GIN1: variants seen among roughly 807,000 people sequenced by gnomAD.
GIN1 encodes gypsy retrotransposon integrase-like protein 1.
A neutral mutation model predicts 51.4 loss-of-function variants in GIN1; 41 were observed. That is an observed-to-expected ratio of 0.80 (90% CI 0.62 to 1.04). GIN1 has a LOEUF of 1.04. Ranked by LOEUF, GIN1 falls within the 50% of genes least tolerant of loss-of-function variation. The probability of loss-of-function intolerance (pLI) is 0.00; values close to 1 mark genes in which losing one functional copy is unlikely to be tolerated. For missense variants in GIN1, 610 were observed against 612.4 expected (o/e 1.00, Z 0.04); for synonymous variants, 222 against 206.5 (o/e 1.07, Z -0.64).
intron 7 of GIN1, among the ~76,000 whole-genome samples, chr5:103,094,916 G>C (rs1583112860): frequency 6.6e-6 from 1 of 152,274 alleles, no homozygotes; most frequent in South Asian, 2.1e-4. Flanking sequence ...TTCAAGATAA[G>C]TTTACTGACT....
chr5:103,113,980 T>A (rs889300945), intron 1 of GIN1, among the ~76,000 whole-genome samples: 2 of 152,212 alleles, frequency 1.3e-5, no homozygotes. Flanking sequence ...AATCTCTCCA[T>A]CTTTTTCTCT....
chr5:103,089,352 G>A (rs908218740), intron 7 of GIN1, among the ~76,000 whole-genome samples: 1 of 152,044 alleles, frequency 6.6e-6, no homozygotes. Flanking sequence ...TAACTTCCTG[G>A]ATCCCTACCT....
At chr5:103,101,566 T>C (rs2151468777) in intron 4 of GIN1, among the ~76,000 whole-genome samples, 1 of 152,306 alleles carries the variant, frequency 6.6e-6, no homozygotes. Flanking sequence ...TTTCTTGTGG[T>C]TGATGATGGG....
intron 1 of GIN1, among the ~76,000 whole-genome samples, chr5:103,114,381 T>C (rs1002178732): frequency 1.3e-5 from 2 of 152,206 alleles, no homozygotes; most frequent in African/African-American, 2.4e-5. Flanking sequence ...AGATACATTA[T>C]ATAAGAACTG....
At chr5:103,099,965 T>A (rs185056481) in intron 4 of GIN1, among the ~76,000 whole-genome samples, 6 of 152,216 alleles carry the variant, frequency 3.9e-5, no homozygotes, top group Non-Finnish European at 5.9e-5. Flanking sequence ...TGTACTGTCA[T>A]CGTTATGCTT....
Position 103,096,833 on chromosome 5 carries a change from G to A in GIN1, c.1009-7C>T, listed in dbSNP as rs201966023. The A allele has an allele frequency of 1.4e-4, 220 of 1,549,718 alleles. 2 individuals are homozygous for A. The highest frequency in any genetic ancestry group is 3.4e-4 in the Middle Eastern group (2 of 5,866). On this transcript the variant is annotated splice_polypyrimidine_tract_variant and splice_region_variant and intron_variant, in intron 6 of 7. Transcript: ENST00000399004. ...CCAAATTGTTGTTCTCCATCTACAA[G>A]TGTAAAAAGAAAAAGAACAAAGAGA...
chr5:103,090,810 C>T (rs1787216125), intron 7 of GIN1, among the ~76,000 whole-genome samples: 1 of 152,072 alleles, frequency 6.6e-6, no homozygotes, highest in South Asian at 2.1e-4. Context: ...TTGAGTACCT[C>T]CTAGTTACAC....
At chr5:103,095,119 C>T (rs1460971604) in intron 7 of GIN1, among the ~76,000 whole-genome samples, 5 of 152,100 alleles carry the variant, frequency 3.3e-5, no homozygotes, top group African/African-American at 9.7e-5. Context: ...TTTGCTAAAG[C>T]CTGTCATATA....
chr5:103,111,582 G>A (rs1554196924), intron 1 of GIN1, among the ~76,000 whole-genome samples: 1 of 152,066 alleles, frequency 6.6e-6, no homozygotes, highest in Non-Finnish European at 1.5e-5. Context: ...AAGAAAAGGG[G>A]AGGAGCTTTT....
chr5:103,096,360 C>A (rs111596046), intron 7 of GIN1, among the ~76,000 whole-genome samples, 181 bp downstream of exon 7: 4,438 of 151,812 alleles, frequency 0.029, 210 homozygotes, highest in African/African-American at 0.1. Flanking sequence ...ATCTCACAGG[C>A]CTGACAGTTC....
chr5:103,106,679 G>A (rs781806786), intron 3 of GIN1, 37 bp downstream of exon 3: 4 of 1,172,496 alleles, frequency 3.4e-6, no homozygotes, highest in Non-Finnish European at 4.9e-6. Flanking sequence ...CTATCAGAAA[G>A]ACATTATTCA....
At chr5:103,102,454 A>G (rs1315159478) in intron 4 of GIN1, 1 of 152,182 alleles carries the variant, frequency 6.6e-6, no homozygotes, top group Non-Finnish European at 1.5e-5. Context: ...TCTTTACAGA[A>G]CTGTTTTCTT....
At chr5:103,098,153 T>A (rs1293987379) in intron 4 of GIN1, among the ~76,000 whole-genome samples, 1 of 152,236 alleles carries the variant, frequency 6.6e-6, no homozygotes, top group African/African-American at 2.4e-5. Context: ...AGTGCTGGGA[T>A]TACAGGCATG....
chr5:103,086,670 C>T lies in GIN1; in HGVS notation c.*1228G>A, dbSNP rs1787083116. The T allele has an allele frequency of 6.6e-6, 1 of 152,124 alleles. No homozygotes were observed. The highest frequency in any genetic ancestry group is 1.5e-5 in the Non-Finnish European group (1 of 68,026). 9.4% of individuals were successfully genotyped at this position (152,124 alleles called of 1,614,324 possible). ...CAAATTTCCTATGTAAAAACAACTTCTCTCTTTTTGCCTCCCTAAGTACAT... is the reference window on the plus strand; with the variant it reads ...CAAATTTCCTATGTAAAAACAACTTTTCTCTTTTTGCCTCCCTAAGTACAT... On this transcript the variant is annotated 3_prime_UTR_variant, in exon 8 of 8. Coordinates refer to ENST00000399004, the MANE Select transcript of GIN1 (RefSeq NM_017676.2).
intron 7 of GIN1, among the ~76,000 whole-genome samples, chr5:103,090,480 A>G (rs2151460684): frequency 6.6e-6 from 1 of 152,342 alleles, no homozygotes; most frequent in Middle Eastern, 3.4e-3. Context: ...GAACATTAAA[A>G]GGTTAGATAG....
Position 103,096,636 on chromosome 5 carries a change from C to T in GIN1, c.1199G>A (p.Gly400Glu). ...PCVIDYITES[G>E]CAVLRDNTGV... ...AGTGTTGTCTCTCAGGACAGCACATCCACTTTCTGTAATATAGTCTATGAC... is the reference window on the plus strand; with the variant it reads ...AGTGTTGTCTCTCAGGACAGCACATTCACTTTCTGTAATATAGTCTATGAC... Residue 400 changes from glycine to glutamate, a missense_variant, in exon 7 of 8, where the codon GGA (glycine) becomes GAA (glutamate). Gly to Glu is a moderately conservative substitution (Grantham distance 98). Transcript: ENST00000399004. The T allele has an allele frequency of 6.2e-7, 1 of 1,613,106 alleles. No homozygotes were observed. The highest frequency in any genetic ancestry group is 8.5e-7 in the Non-Finnish European group (1 of 1,179,044).
chr5:103,102,835 G>A (rs1462795174), intron 4 of GIN1: 1 of 151,918 alleles, frequency 6.6e-6, no homozygotes, highest in Non-Finnish European at 1.5e-5. Flanking sequence ...AGCCAAGACG[G>A]TGCCACAGCA....
intron 7 of GIN1, among the ~76,000 whole-genome samples, chr5:103,094,749 CAT>C (rs1446266512): frequency 2.0e-5 from 3 of 152,286 alleles, no homozygotes; most frequent in East Asian, 3.9e-4. Context: ...GCTAGAACAA[CAT>C]ATACTTGTAT....
intron 4 of GIN1, among the ~76,000 whole-genome samples, chr5:103,104,156 A>G (rs1404540192): frequency 6.6e-6 from 1 of 151,796 alleles, no homozygotes; most frequent in Non-Finnish European, 1.5e-5. Flanking sequence ...GTTTCGCCCT[A>G]TTGCCCAGGT....
Sources: gnomAD v4.1 joint callset for allele counts (sites outside exome capture counted in the v4.1 genomes callset) on GRCh38, gnomAD v4.1.1 for gene constraint, MANE v1.5 for transcripts, NCBI Gene and HGNC (gene_info 2026-07-23, HGNC 2026-07-21) for gene names.